LRRIQ1: variants seen among roughly 807,000 people sequenced by gnomAD.
The protein encoded by LRRIQ1 is leucine rich repeats and IQ motif containing 1, also known as leucine-rich repeat- and IQ domain-containing protein 1.
LRRIQ1 carries 210 observed loss-of-function variants against 211.9 expected under a neutral mutation model. The ratio of observed to expected loss-of-function variants is 0.99; its 90% CI spans 0.89 to 1.11. The LOEUF is 1.11. LRRIQ1 is among the 50% of genes most tolerant of loss of function. The pLI, the probability that LRRIQ1 is intolerant of heterozygous loss-of-function variation, is 0.00. For synonymous variants in LRRIQ1, 699 were observed against 650.1 expected, an observed-to-expected ratio of 1.08 and a Z score of -1.14; for missense variants, 2,136 against 1,939.5, an observed-to-expected ratio of 1.10 and a Z score of -1.90.
intron 11 of LRRIQ1, among the ~76,000 whole-genome samples, chr12:85,088,849 G>A (rs1592771851): frequency 6.6e-6 from 1 of 152,114 alleles, no homozygotes; most frequent in Non-Finnish European, 1.5e-5. Context: ...GGCTGAGACA[G>A]TGGGGTTTTC....
chr12:85,160,430 A>C (rs532305809), intron 23 of LRRIQ1, among the ~76,000 whole-genome samples, 183 bp from the exon 24 acceptor site: 33 of 152,198 alleles, frequency 2.2e-4, no homozygotes, highest in African/African-American at 7.9e-4. Context: ...CAGATAACCA[A>C]TAATACGTAC....
intron 24 of LRRIQ1, among the ~76,000 whole-genome samples, chr12:85,191,277 A>C (rs1025202623): frequency 3.3e-5 from 5 of 151,946 alleles, no homozygotes; most frequent in African/African-American, 1.2e-4. Flanking sequence ...AGTGCCATAC[A>C]AAATAGTTTC....
At chr12:85,241,927 G>A (rs1895479063) in intron 26 of LRRIQ1, among the ~76,000 whole-genome samples, 1 of 151,956 alleles carries the variant, frequency 6.6e-6, no homozygotes, top group African/African-American at 2.4e-5. Flanking sequence ...CAAAGTTGGA[G>A]GTGAATCAGA....
chr12:85,045,246 A>G (rs1214983503), intron 4 of LRRIQ1, among the ~76,000 whole-genome samples: 1 of 151,948 alleles, frequency 6.6e-6, no homozygotes, highest in Non-Finnish European at 1.5e-5. Flanking sequence ...AACTTACTTA[A>G]AAAATAAGAA....
intron 10 of LRRIQ1, among the ~76,000 whole-genome samples, chr12:85,067,931 T>C (rs1350294284): frequency 6.6e-6 from 1 of 151,954 alleles, no homozygotes; most frequent in African/African-American, 2.4e-5. Flanking sequence ...TTGTGTTTGC[T>C]TTTACCTCTT....
intron 14 of LRRIQ1, among the ~76,000 whole-genome samples, chr12:85,105,080 G>A (rs983944049): frequency 2.0e-5 from 3 of 151,830 alleles, no homozygotes; most frequent in Admixed American, 6.6e-5. Context: ...TCACCATTTT[G>A]GAAATGTGAC....
Position 85,039,556 on chromosome 12 carries a change from G to A in LRRIQ1, c.133-934G>A, listed in dbSNP as rs140738915. ...GCTTTTCTGTAGTACTAAAAGAAAG[G>A]TAATATTTTCTCATTATCTTCTAAT... On this transcript the variant is annotated intron_variant, in intron 2 of 26. Transcript: ENST00000393217. 4.5e-3 allele frequency among the ~76,000 whole-genome samples: 683 copies of A among 151,632 alleles called. 2 individuals carry two copies. Among genetic ancestry groups the A allele is most frequent in the Non-Finnish European group, 7.5e-3 (505 of 67,550 alleles).
chr12:85,056,568 A>G lies in LRRIQ1; in HGVS notation c.1775A>G (p.Gln592Arg). Residue 592 changes from glutamine (Q) to arginine (R), a missense_variant, in exon 8 of 27, where the codon CAA (glutamine) becomes CGA (arginine). Gln to Arg is a conservative substitution (Grantham distance 43, BLOSUM62 1). Coordinates refer to ENST00000393217, the MANE Select transcript of LRRIQ1 (RefSeq NM_001079910.2). ...KIQKVEKEEI[Q>R]EQNGLLYKDK... ...CAAAAAGTAGAAAAAGAAGAGATAC[A>G]AGAACAGAATGGATTATTATATAAA... The G allele has an allele frequency of 5.6e-6, 9 of 1,603,506 alleles. No homozygotes were observed. Among genetic ancestry groups the G allele is most frequent in the Non-Finnish European group, 7.7e-6 (9 of 1,174,698 alleles).
At chr12:85,064,550 C>G (rs1164499426) in intron 8 of LRRIQ1, among the ~76,000 whole-genome samples, 1 of 151,366 alleles carries the variant, frequency 6.6e-6, no homozygotes, top group African/African-American at 2.4e-5. Context: ...CCATTTTTGC[C>G]TTGGTTGCCT....
chr12:85,122,434 C>T (rs1888053264), intron 16 of LRRIQ1, among the ~76,000 whole-genome samples: 1 of 152,044 alleles, frequency 6.6e-6, no homozygotes. Flanking sequence ...AAGAAAACTT[C>T]CTATTCCCCA....
chr12:85,055,444 A>G, intron 7 of LRRIQ1, 103 bp from the exon 8 acceptor site: 1 of 907,806 alleles, frequency 1.1e-6, no homozygotes, highest in South Asian at 3.9e-5. Flanking sequence ...CTTTATTAAG[A>G]CTTCAGTTTT....
At chr12:85,192,085 G>T (rs747825004) in intron 24 of LRRIQ1, among the ~76,000 whole-genome samples, 7 of 151,708 alleles carry the variant, frequency 4.6e-5, no homozygotes, top group African/African-American at 1.7e-4. Flanking sequence ...AGATTATTCT[G>T]TCACTCAGGT....
intron 24 of LRRIQ1, among the ~76,000 whole-genome samples, chr12:85,208,785 A>T (rs1199374175): frequency 6.6e-6 from 1 of 152,186 alleles, no homozygotes; most frequent in South Asian, 2.1e-4. Context: ...GCAGTTATAT[A>T]TTAAGTTCCA....
intron 26 of LRRIQ1, among the ~76,000 whole-genome samples, chr12:85,241,843 G>T (rs891699476): frequency 9.2e-5 from 14 of 151,814 alleles, no homozygotes; most frequent in Non-Finnish European, 1.5e-4. Flanking sequence ...TCTTGTTTAT[G>T]AAAAAAATGT....
intron 1 of LRRIQ1, among the ~76,000 whole-genome samples, chr12:85,252,345 A>G (rs765180464): frequency 6.6e-6 from 1 of 151,956 alleles, no homozygotes; most frequent in Non-Finnish European, 1.5e-5. Context: ...TAGTTAATCC[A>G]TAGCTAGATG....
chr12:85,148,161 T>C (rs952125221), intron 19 of LRRIQ1, among the ~76,000 whole-genome samples: 1 of 150,746 alleles, frequency 6.6e-6, no homozygotes, highest in Non-Finnish European at 1.5e-5. Flanking sequence ...AAGGCTTTCT[T>C]TTTTTTTTAA....
At chr12:85,251,627 G>C (rs1298274122) in intron 1 of LRRIQ1, among the ~76,000 whole-genome samples, 1 of 151,842 alleles carries the variant, frequency 6.6e-6, no homozygotes, top group Admixed American at 6.6e-5. Context: ...ATTTGGAGTA[G>C]ACCATATCTA....
At chr12:85,123,428 A>AAG (rs1888130512) in intron 16 of LRRIQ1, among the ~76,000 whole-genome samples, 1 of 152,114 alleles carries the variant, frequency 6.6e-6, no homozygotes, top group Non-Finnish European at 1.5e-5. Flanking sequence ...AGGCTCATAC[A>AAG]AGTGAAAAGT....
chr12:85,146,396 G>T (rs992833439), intron 19 of LRRIQ1, among the ~76,000 whole-genome samples: 1 of 151,708 alleles, frequency 6.6e-6, no homozygotes, highest in Non-Finnish European at 1.5e-5. Context: ...TGTCTTGATG[G>T]ATTTCTTAGT....
Sources: gnomAD v4.1 joint callset for allele counts (sites outside exome capture counted in the v4.1 genomes callset) on GRCh38, gnomAD v4.1.1 for gene constraint, MANE v1.5 for transcripts, NCBI Gene and HGNC (gene_info 2026-07-23, HGNC 2026-07-21) for gene names.